Variants in WWP1 observed in about 807,000 individuals in gnomAD.
The protein encoded by WWP1 is NEDD4-like E3 ubiquitin-protein ligase WWP1.
In WWP1, 49 loss-of-function variants were observed where a neutral mutation model predicts 130.6. The ratio of observed to expected loss-of-function variants is 0.38; its 90% CI spans 0.30 to 0.48. The LOEUF is 0.48. Ranked by LOEUF, WWP1 falls within the 20% of genes least tolerant of loss-of-function variation. The pLI is 0.99. For missense variants in WWP1, 809 were observed against 1,100.6 expected, an observed-to-expected ratio of 0.74 and a Z score of 3.75; for synonymous variants, 332 against 367.8, an observed-to-expected ratio of 0.90 and a Z score of 1.11.
intron 1 of WWP1, among the ~76,000 whole-genome samples, chr8:86,348,481 G>A (rs1207446565): frequency 6.6e-6 from 1 of 152,190 alleles, no homozygotes; most frequent in African/African-American, 2.4e-5. Context: ...GCCTCCCAAA[G>A]TATTGGGATT....
intron 21 of WWP1, among the ~76,000 whole-genome samples, chr8:86,457,291 TAGG>T (rs1469645337): frequency 1.3e-5 from 2 of 151,936 alleles, no homozygotes; most frequent in African/African-American, 4.8e-5. Context: ...AAATTATTAA[TAGG>T]AGGTTAGTAT....
chr8:86,390,248 C>G (rs1306875369), intron 5 of WWP1, among the ~76,000 whole-genome samples: 3 of 143,282 alleles, frequency 2.1e-5, no homozygotes, highest in South Asian at 2.3e-4. Context: ...ACATCCCAGA[C>G]GACGGGCGGC....
chr8:86,354,274 T>C (rs1010298366), intron 1 of WWP1, among the ~76,000 whole-genome samples: 1 of 152,212 alleles, frequency 6.6e-6, no homozygotes, highest in African/African-American at 2.4e-5. Context: ...TTTCAGAATT[T>C]TCTTGAATTT....
At chr8:86,391,376 C>G (rs1484067590) in intron 5 of WWP1, among the ~76,000 whole-genome samples, 1 of 152,204 alleles carries the variant, frequency 6.6e-6, no homozygotes, top group African/African-American at 2.4e-5. Flanking sequence ...ACATTCCAAA[C>G]TATGGAAATA....
In WWP1 at chr8:86,451,214, T is replaced by TAAAAAAAAAAAAAAAAAAAA. The variant is rs61141803; in HGVS notation, c.2274-1325_2274-1306dup. 1.8e-4 allele frequency among the ~76,000 whole-genome samples: 8 copies of TAAAAAAAAAAAAAAAAAAAA among 43,676 alleles called. 1 individual carries two copies. The highest frequency in any genetic ancestry group is 2.5e-4 in the Non-Finnish European group (6 of 23,620). The allele number at this position is 43,676 out of a possible 152,430, so 28.7% of individuals were successfully genotyped here. A position where few individuals can be genotyped will look rare whatever the true frequency, so the allele number is the denominator to read the frequency against. On this transcript the variant is annotated intron_variant, in intron 20 of 24. Coordinates refer to ENST00000517970, the MANE Select transcript of WWP1 (RefSeq NM_007013.4). The stretch of plus-strand genomic sequence containing the variant: ...GCAACCGAGTGAGACCCTATGTTAT[T>TAAAAAAAAAAAAAAAAAAAA]AAAAAAAAAAAAAAAAAAAAAAAAA...
intron 24 of WWP1, 55 bp downstream of exon 24, chr8:86,461,901 T>A (rs1399981475): frequency 1.4e-6 from 2 of 1,472,976 alleles, no homozygotes; most frequent in Non-Finnish European, 9.4e-7. Context: ...TCTTTTGTTT[T>A]GTTTTTTTAA....
chr8:86,413,975 A>G (rs1398764557), intron 9 of WWP1, among the ~76,000 whole-genome samples: 1 of 152,160 alleles, frequency 6.6e-6, no homozygotes, highest in Non-Finnish European at 1.5e-5. Flanking sequence ...CAAAACAGTA[A>G]GTACATAAAC....
chr8:86,420,102 G>T (rs1181094060), intron 9 of WWP1, among the ~76,000 whole-genome samples: 1 of 152,124 alleles, frequency 6.6e-6, no homozygotes, highest in African/African-American at 2.4e-5. Context: ...CCAAAACTGG[G>T]TAGTGAAAGT....
chr8:86,431,157 ATATATAT>A (rs916838506), intron 12 of WWP1, among the ~76,000 whole-genome samples: 1 of 109,034 alleles, frequency 9.2e-6, no homozygotes, highest in Non-Finnish European at 2.0e-5. Flanking sequence ...ATATTATAGA[ATATATAT>A]TATATTCTAC....
At chr8:86,371,236 T>A (rs1188802338) in intron 2 of WWP1, among the ~76,000 whole-genome samples, 1 of 152,120 alleles carries the variant, frequency 6.6e-6, no homozygotes, top group Non-Finnish European at 1.5e-5. Context: ...TGCTCCATTG[T>A]ATGAGTTAGG....
At chr8:86,457,124 T>C (rs1040306329) in intron 21 of WWP1, among the ~76,000 whole-genome samples, 4 of 151,936 alleles carry the variant, frequency 2.6e-5, no homozygotes, top group Non-Finnish European at 5.9e-5. Context: ...CATTTTATTG[T>C]ATGTAAATTA....
At chr8:86,434,508 A>G (rs117821279) in intron 14 of WWP1, among the ~76,000 whole-genome samples, 3,031 of 151,696 alleles carry the variant, frequency 0.02, 42 homozygotes, top group Non-Finnish European at 0.028. Flanking sequence ...TGTGAGCTCT[A>G]CTCCTTTTAC....
Position 86,467,027 on chromosome 8 carries a change from TC to T in WWP1, c.*136del. On this transcript the variant is annotated 3_prime_UTR_variant, in exon 25 of 25. Transcript: ENST00000517970. ...CCTCTCAAAGTATGTTTTCCGTTCTTCCACAGAAATATGCAAAACAGTTCAT... is the reference window on the plus strand; with the variant it reads ...CCTCTCAAAGTATGTTTTCCGTTCTTCACAGAAATATGCAAAACAGTTCAT... 1 of 664,736 alleles carries T rather than the reference TC, an allele frequency of 1.5e-6. No individual in the cohort carries two copies. Among genetic ancestry groups the T allele is most frequent in the Non-Finnish European group, 2.6e-6 (1 of 384,720 alleles). The allele number at this position is 664,736 out of a possible 1,614,324, so 41.2% of individuals were successfully genotyped here. A position where few individuals can be genotyped will look rare whatever the true frequency, so the allele number is the denominator to read the frequency against.
chr8:86,373,899 A>G, intron 2 of WWP1, 131 bp from the exon 3 acceptor site: 1 of 605,498 alleles, frequency 1.7e-6, no homozygotes, highest in Non-Finnish European at 2.7e-6. Context: ...TTTTAATGGG[A>G]TGGTAATAGG....
chr8:86,449,395 T>A (rs1007694227), intron 20 of WWP1, among the ~76,000 whole-genome samples: 2 of 152,246 alleles, frequency 1.3e-5, no homozygotes, highest in Non-Finnish European at 2.9e-5. Flanking sequence ...CTCTGTGGTA[T>A]AGTGCAAAGG....
intron 9 of WWP1, among the ~76,000 whole-genome samples, chr8:86,420,898 T>G (rs973140162): frequency 6.6e-6 from 1 of 152,186 alleles, no homozygotes; most frequent in Non-Finnish European, 1.5e-5. Flanking sequence ...ACCAGGAAAT[T>G]TTGCTGTAGG....
At chr8:86,364,831 GAA>G (rs576595305) in intron 1 of WWP1, among the ~76,000 whole-genome samples, 4,188 of 102,206 alleles carry the variant, frequency 0.041, 55 homozygotes, top group Middle Eastern at 0.057. Context: ...AAGAAAGAAA[GAA>G]AGAGAGAGAG....
intron 17 of WWP1, chr8:86,440,708 T>C (rs916289186): frequency 9.0e-5 from 41 of 455,160 alleles, no homozygotes; most frequent in Non-Finnish European, 1.7e-4. Flanking sequence ...ATTTGTTCCA[T>C]TTTTCTTCAG....
intron 9 of WWP1, among the ~76,000 whole-genome samples, chr8:86,413,009 A>G (rs548711819): frequency 7.6e-4 from 115 of 152,162 alleles, no homozygotes; most frequent in African/African-American, 2.7e-3. Context: ...TTGTATTTTT[A>G]GTAGAGACGG....
Sources: allele counts gnomAD v4.1 joint callset (sites outside exome capture counted in the v4.1 genomes callset), GRCh38; gene constraint gnomAD v4.1.1; transcripts MANE v1.5; gene names NCBI Gene and HGNC (gene_info 2026-07-23, HGNC 2026-07-21).